Variants in SCFD2 observed in about 807,000 individuals in gnomAD.
SCFD2 encodes sec1 family domain containing 2, also known as sec1 family domain-containing protein 2.
A neutral mutation model predicts 58.9 loss-of-function variants in SCFD2; 54 were observed. The observed-to-expected ratio is 0.92, with a 90% CI of 0.74 to 1.15. The LOEUF (loss-of-function observed/expected upper bound fraction) is 1.15. Ranked by LOEUF, SCFD2 falls within the 50% of genes most tolerant of loss-of-function variation. SCFD2 has a pLI of 0.00. For synonymous variants in SCFD2, 321 were observed against 335.9 expected, an observed-to-expected ratio of 0.96 and a Z score of 0.49; for missense variants, 805 against 836.6, an observed-to-expected ratio of 0.96 and a Z score of 0.47.
At chr4:53,056,336 T>C (rs1268591197) in intron 5 of SCFD2, among the ~76,000 whole-genome samples, 6 of 152,128 alleles carry the variant, frequency 3.9e-5, no homozygotes, top group Non-Finnish European at 8.8e-5. Context: ...ATTCTCACAG[T>C]AAATCCCAAC....
chr4:53,348,297 T>G (rs1185458809), intron 2 of SCFD2, among the ~76,000 whole-genome samples: 1 of 152,240 alleles, frequency 6.6e-6, no homozygotes, highest in Non-Finnish European at 1.5e-5. Flanking sequence ...TTTTAAAGAC[T>G]TTTCCATTGC....
chr4:53,006,931 G>A (rs1050122181), intron 5 of SCFD2, among the ~76,000 whole-genome samples: 4 of 151,996 alleles, frequency 2.6e-5, no homozygotes, highest in African/African-American at 4.8e-5. Context: ...GTGGCCTATG[G>A]ATCCCAACAG....
At chr4:53,175,225 G>C (rs1401925067) in intron 4 of SCFD2, among the ~76,000 whole-genome samples, 1 of 152,118 alleles carries the variant, frequency 6.6e-6, no homozygotes, top group African/African-American at 2.4e-5. Context: ...ACAGAAATAA[G>C]TTTTATTTCT....
chr4:53,201,724 G>T (rs1415759107), intron 4 of SCFD2, among the ~76,000 whole-genome samples: 1 of 152,156 alleles, frequency 6.6e-6, no homozygotes, highest in African/African-American at 2.4e-5. Flanking sequence ...ATTCTAACTG[G>T]TGGGAGATGG....
At chr4:53,151,586 G>A (rs1726507839) in intron 4 of SCFD2, among the ~76,000 whole-genome samples, 1 of 152,152 alleles carries the variant, frequency 6.6e-6, no homozygotes, top group South Asian at 2.1e-4. Context: ...TATTCCACGT[G>A]GCTGCAGAGC....
At chr4:52,965,473 C>T (rs115830794) in intron 5 of SCFD2, among the ~76,000 whole-genome samples, 252 of 152,300 alleles carry the variant, frequency 1.7e-3, no homozygotes, top group African/African-American at 5.8e-3. Context: ...GAGTGGTGTC[C>T]CGTAACTTCC....
Position 52,873,940 on chromosome 4 carries a change from T to G in SCFD2, c.*29A>C, listed in dbSNP as rs574006251. 2 of 1,549,046 alleles carry G rather than the reference T, an allele frequency of 1.3e-6. No individual in the cohort carries two copies. The highest frequency in any genetic ancestry group is 1.8e-6 in the Non-Finnish European group (2 of 1,121,136). The stretch of plus-strand genomic sequence containing the variant: ...GAAAATTGCATCGGCATTTCCAGCT[T>G]GAGTAGGTCTTATCTTCTTAGCGGA... On this transcript the variant is annotated 3_prime_UTR_variant, in exon 9 of 9. Coordinates refer to ENST00000401642, the MANE Select transcript of SCFD2 (RefSeq NM_152540.4).
intron 5 of SCFD2, among the ~76,000 whole-genome samples, chr4:52,944,056 A>G (rs1440192628): frequency 6.6e-6 from 1 of 152,210 alleles, no homozygotes; most frequent in Non-Finnish European, 1.5e-5. Context: ...GATAATGAGC[A>G]CTAAAAATAT....
At chr4:53,297,959 G>A (rs775796044) in intron 3 of SCFD2, among the ~76,000 whole-genome samples, 39 of 150,770 alleles carry the variant, frequency 2.6e-4, no homozygotes, top group Admixed American at 1.7e-3. Flanking sequence ...AATTCTTTTC[G>A]GGTGCTGGAG....
intron 5 of SCFD2, among the ~76,000 whole-genome samples, chr4:52,927,626 C>T (rs143183087): frequency 7.4e-4 from 112 of 152,298 alleles, no homozygotes; most frequent in African/African-American, 2.4e-3. Flanking sequence ...TATGTGAGAA[C>T]ATTTAATTAA....
intron 6 of SCFD2, among the ~76,000 whole-genome samples, chr4:52,910,750 G>A (rs1448317502): frequency 6.6e-6 from 1 of 152,146 alleles, no homozygotes; most frequent in Non-Finnish European, 1.5e-5. Flanking sequence ...GACCTGGTGG[G>A]AGGTAGTTTA....
At chr4:53,353,495 T>C (rs1313484220) in intron 1 of SCFD2, among the ~76,000 whole-genome samples, 1 of 152,172 alleles carries the variant, frequency 6.6e-6, no homozygotes, top group Non-Finnish European at 1.5e-5. Context: ...CTCCTTTTAT[T>C]CCCTTATCTG....
intron 1 of SCFD2, among the ~76,000 whole-genome samples, chr4:53,363,018 A>G (rs1734589075): frequency 2.0e-5 from 3 of 152,246 alleles, no homozygotes; most frequent in Admixed American, 2.0e-4. Flanking sequence ...GAAGCGAGAA[A>G]AGTGAGTATG....
chr4:53,135,790 T>C (rs755432805), intron 5 of SCFD2, among the ~76,000 whole-genome samples: 7 of 152,286 alleles, frequency 4.6e-5, no homozygotes, highest in South Asian at 2.1e-4. Flanking sequence ...CCACTCCCTA[T>C]TGTCCCTTTT....
intron 5 of SCFD2, among the ~76,000 whole-genome samples, chr4:52,979,180 C>A (rs1055808272): frequency 6.6e-5 from 10 of 151,960 alleles, no homozygotes; most frequent in African/African-American, 2.4e-4. Flanking sequence ...AGGCTTTTCC[C>A]AAGGGACTCC....
intron 5 of SCFD2, among the ~76,000 whole-genome samples, chr4:52,928,166 C>G (rs932639603): frequency 5.9e-5 from 9 of 151,918 alleles, no homozygotes; most frequent in African/African-American, 1.7e-4. Context: ...AAGACTCTGT[C>G]TCTACAAAAA....
Position 53,039,093 on chromosome 4 carries a change from C to T in SCFD2, c.1561+106240G>A, listed in dbSNP as rs6853644. ...ATTCCCTTTCCAGGTAGCAGTTTGG[C>T]TACTCTAGTCTAGTGCCTTCAGAAT... On this transcript the variant is annotated intron_variant, in intron 5 of 8. Transcript: ENST00000401642. Among the ~76,000 whole-genome samples, 1,110 of 152,230 alleles carry T rather than the reference C, an allele frequency of 7.3e-3. 7 individuals are homozygous for T. The highest frequency in any genetic ancestry group is 0.025 in the African/African-American group (1,056 of 41,532).
At chr4:53,358,104 T>A (rs1734451627) in intron 1 of SCFD2, among the ~76,000 whole-genome samples, 1 of 152,358 alleles carries the variant, frequency 6.6e-6, no homozygotes, top group African/African-American at 2.4e-5. Context: ...TAGCCATTAC[T>A]AGTGGACTCA....
At chr4:52,896,479 G>T (rs575223921) in intron 7 of SCFD2, among the ~76,000 whole-genome samples, 1 of 152,154 alleles carries the variant, frequency 6.6e-6, no homozygotes, top group Admixed American at 6.5e-5. Flanking sequence ...GTAGATATGC[G>T]GCATTATTTC....
Sources: gnomAD v4.1 joint callset for allele counts (sites outside exome capture counted in the v4.1 genomes callset) on GRCh38, gnomAD v4.1.1 for gene constraint, MANE v1.5 for transcripts, NCBI Gene and HGNC (gene_info 2026-07-23, HGNC 2026-07-21) for gene names.